The following CNTN5 variants were observed in gnomAD, a reference collection of about 807,000 sequenced individuals.
CNTN5 encodes contactin 5.
A neutral mutation model predicts 129.1 loss-of-function variants in CNTN5; 77 were observed. The observed-to-expected ratio is 0.60, with a 90% CI of 0.50 to 0.72. CNTN5 has a LOEUF of 0.72. Ranked by LOEUF, CNTN5 falls within the 30% of genes least tolerant of loss-of-function variation. CNTN5 has a pLI of 0.00. For synonymous variants in CNTN5, 509 were observed against 465.6 expected, an observed-to-expected ratio of 1.09 and a Z score of -1.20; for missense variants, 1,478 against 1,328.8, an observed-to-expected ratio of 1.11 and a Z score of -1.75.
intron 1 of CNTN5, among the ~76,000 whole-genome samples, chr11:99,268,857 C>G (rs1470494857): frequency 2.0e-5 from 3 of 151,958 alleles, no homozygotes; most frequent in Non-Finnish European, 4.4e-5. Context: ...GATGTACCTA[C>G]ATTTAACCCA....
At chr11:99,851,518 T>C (rs962532651) in intron 6 of CNTN5, among the ~76,000 whole-genome samples, 1 of 152,170 alleles carries the variant, frequency 6.6e-6, no homozygotes, top group Non-Finnish European at 1.5e-5. Flanking sequence ...AATCCAAAGC[T>C]CGTAGCAGTT....
At chr11:99,862,816 C>T (rs369847558) in intron 6 of CNTN5, among the ~76,000 whole-genome samples, 1 of 151,908 alleles carries the variant, frequency 6.6e-6, no homozygotes, top group East Asian at 1.9e-4. Flanking sequence ...GAAACTTTCA[C>T]CTACTAAAAC....
chr11:100,114,006 A>G (rs1379385322), intron 13 of CNTN5, among the ~76,000 whole-genome samples: 3 of 152,092 alleles, frequency 2.0e-5, no homozygotes, highest in African/African-American at 7.2e-5. Context: ...TCCCTCTTGA[A>G]TGTATATGGT....
chr11:99,332,511 A>G (rs1866041510), intron 2 of CNTN5, among the ~76,000 whole-genome samples: 1 of 152,144 alleles, frequency 6.6e-6, no homozygotes, highest in South Asian at 2.1e-4. Flanking sequence ...GATATGGCTG[A>G]TAGTCACGGT....
At chr11:100,342,046 A>T (rs781376137) in intron 23 of CNTN5, among the ~76,000 whole-genome samples, 1 of 151,992 alleles carries the variant, frequency 6.6e-6, no homozygotes, top group African/African-American at 2.4e-5. Context: ...GCTAAAATTT[A>T]AGGAGCTAAA....
chr11:99,089,712 T>C (rs1412127900), intron 1 of CNTN5, among the ~76,000 whole-genome samples: 1 of 152,238 alleles, frequency 6.6e-6, no homozygotes, highest in Non-Finnish European at 1.5e-5. Context: ...GTATTTTTAA[T>C]TAAAGTTTAG....
chr11:99,227,573 T>G (rs1269998199), intron 1 of CNTN5, among the ~76,000 whole-genome samples: 1 of 152,190 alleles, frequency 6.6e-6, no homozygotes, highest in African/African-American at 2.4e-5. Flanking sequence ...AAACTATTTC[T>G]GAACAATTTT....
At chr11:99,144,056 C>T (rs931196970) in intron 1 of CNTN5, among the ~76,000 whole-genome samples, 3 of 152,066 alleles carry the variant, frequency 2.0e-5, no homozygotes, top group Non-Finnish European at 4.4e-5. Flanking sequence ...ACATTTTATA[C>T]AGCTTTATGT....
intron 13 of CNTN5, among the ~76,000 whole-genome samples, chr11:100,110,507 G>C (rs1945618711): frequency 6.6e-6 from 1 of 151,910 alleles, no homozygotes; most frequent in Non-Finnish European, 1.5e-5. Context: ...AATGACCTTA[G>C]ATATGAGTTT....
intron 6 of CNTN5, among the ~76,000 whole-genome samples, chr11:99,894,243 A>G (rs915109994): frequency 1.3e-5 from 2 of 152,078 alleles, no homozygotes; most frequent in Non-Finnish European, 2.9e-5. Flanking sequence ...TTCCTTGTTT[A>G]TGATGCAAAT....
At chr11:100,097,748 T>C (rs1945058922) in intron 13 of CNTN5, among the ~76,000 whole-genome samples, 1 of 152,134 alleles carries the variant, frequency 6.6e-6, no homozygotes, top group Non-Finnish European at 1.5e-5. Context: ...GTTGTGTTTC[T>C]TTAATTTTTA....
intron 2 of CNTN5, among the ~76,000 whole-genome samples, chr11:99,508,719 A>C (rs1946721645): frequency 6.7e-6 from 1 of 148,668 alleles, no homozygotes; most frequent in Non-Finnish European, 1.5e-5. Context: ...TGTTCTTGTC[A>C]CCCAGGCTGG....
At position 99,143,804 on chromosome 11, in the gene CNTN5, A is replaced by G. The variant is rs560525669; in HGVS notation, c.-210+122534A>G. On this transcript the variant is annotated intron_variant, in intron 1 of 24. Transcript: ENST00000524871. ...CCAATTTGTTTTTCAAACATAACACATTTTTTTTGTATTGATAGTTTACAG... is the reference window on the plus strand; with the variant it reads ...CCAATTTGTTTTTCAAACATAACACGTTTTTTTTGTATTGATAGTTTACAG... Among the ~76,000 whole-genome samples, 12 of 152,064 alleles carry G rather than the reference A, an allele frequency of 7.9e-5. No individual in the cohort carries two copies. The East Asian group carries it at 2.3e-3, about 29-fold the overall frequency.
At chr11:99,707,934 G>C (rs1954822373) in intron 3 of CNTN5, among the ~76,000 whole-genome samples, 2 of 151,492 alleles carry the variant, frequency 1.3e-5, no homozygotes, top group African/African-American at 2.4e-5. Flanking sequence ...ACTTTAAAAG[G>C]TATAAAGCAC....
At chr11:99,192,168 CAAAT>C (rs1206721720) in intron 1 of CNTN5, among the ~76,000 whole-genome samples, 5 of 150,378 alleles carry the variant, frequency 3.3e-5, no homozygotes, top group South Asian at 2.1e-4. Flanking sequence ...AGAAAGAAGA[CAAAT>C]AAAATCTGAA....
intron 1 of CNTN5, among the ~76,000 whole-genome samples, chr11:99,187,793 G>T (rs571722721): frequency 1.3e-5 from 2 of 151,242 alleles, no homozygotes; most frequent in East Asian, 3.9e-4. Flanking sequence ...TAGTTTTTTG[G>T]GACTTTTTAC....
At chr11:99,084,913 G>T (rs1395720935) in intron 1 of CNTN5, among the ~76,000 whole-genome samples, 5 of 152,002 alleles carry the variant, frequency 3.3e-5, no homozygotes, top group Admixed American at 6.6e-5. Flanking sequence ...TCTAAGATAT[G>T]GTTTATCTGA....
At chr11:99,776,148 A>G (rs569979257) in intron 3 of CNTN5, among the ~76,000 whole-genome samples, 1 of 148,384 alleles carries the variant, frequency 6.7e-6, no homozygotes, top group East Asian at 2.0e-4. Context: ...CATTGCTAGC[A>G]TAATGAATGA....
chr11:99,147,912 G>A (rs1940495), intron 1 of CNTN5, among the ~76,000 whole-genome samples: 138,232 of 152,068 alleles, frequency 0.91, 63,074 homozygotes, highest in East Asian at 0.99. Context: ...AGATGCTAAC[G>A]TATTTATATG....
Sources: allele counts gnomAD v4.1 joint callset (sites outside exome capture counted in the v4.1 genomes callset), GRCh38; gene constraint gnomAD v4.1.1; transcripts MANE v1.5; gene names NCBI Gene and HGNC (gene_info 2026-07-23, HGNC 2026-07-21).